The following PTPRT variants were observed in gnomAD, a reference collection of about 807,000 sequenced individuals.
PTPRT encodes the protein receptor-type tyrosine-protein phosphatase T.
Under a neutral mutation model 176.8 loss-of-function variants are expected in PTPRT, and 56 were observed. That is an observed-to-expected ratio of 0.32 (90% CI 0.26 to 0.40). The LOEUF (loss-of-function observed/expected upper bound fraction) is 0.40, where lower values mean the gene tolerates loss of function less well. Ranked by LOEUF, PTPRT falls within the 10% of genes least tolerant of loss-of-function variation. The pLI is 1.00. For synonymous variants in PTPRT, 783 were observed against 739.0 expected (o/e 1.06, Z -0.96); for missense variants, 1,540 against 1,908.2 (o/e 0.81, Z 3.60).
intron 1 of PTPRT, among the ~76,000 whole-genome samples, chr20:42,902,233 G>T (rs1210699648): frequency 6.6e-6 from 1 of 152,124 alleles, no homozygotes; most frequent in Admixed American, 6.5e-5. Flanking sequence ...ACAAAAAAAG[G>T]AAAAGAACTA....
intron 7 of PTPRT, among the ~76,000 whole-genome samples, chr20:42,666,168 A>T (rs540609014): frequency 2.0e-5 from 3 of 152,340 alleles, no homozygotes; most frequent in South Asian, 4.1e-4. Flanking sequence ...ACATCTCATC[A>T]TAAGTTGTTT....
chr20:42,172,505 C>T (rs576944807), intron 16 of PTPRT, among the ~76,000 whole-genome samples: 1 of 152,290 alleles, frequency 6.6e-6, no homozygotes, highest in South Asian at 2.1e-4. Context: ...TAAACACCAG[C>T]CCATCACCTG....
At chr20:42,893,020 G>A (rs1026077614) in intron 1 of PTPRT, among the ~76,000 whole-genome samples, 2 of 152,038 alleles carry the variant, frequency 1.3e-5, no homozygotes, top group African/African-American at 2.4e-5. Context: ...GAGTAAGAGC[G>A]AAGAACTCAG....
intron 1 of PTPRT, among the ~76,000 whole-genome samples, chr20:42,907,541 T>C (rs984681766): frequency 2.6e-5 from 4 of 152,122 alleles, no homozygotes; most frequent in African/African-American, 9.7e-5. Flanking sequence ...CACGAATTTA[T>C]ACACTACACA....
intron 9 of PTPRT, among the ~76,000 whole-genome samples, chr20:42,377,164 C>G (rs10485690): frequency 0.083 from 12,641 of 152,210 alleles, 546 homozygotes; most frequent in Middle Eastern, 0.14. Context: ...CTTGAAGAAC[C>G]TTTGCAGAAA....
intron 7 of PTPRT, among the ~76,000 whole-genome samples, chr20:42,603,218 A>C (rs2073813571): frequency 6.6e-6 from 1 of 152,148 alleles, no homozygotes; most frequent in Admixed American, 6.5e-5. Flanking sequence ...AACAGGAGAT[A>C]CGAGTGATGT....
At chr20:42,815,919 A>T (rs1194579532) in intron 2 of PTPRT, among the ~76,000 whole-genome samples, 2 of 152,232 alleles carry the variant, frequency 1.3e-5, no homozygotes, top group African/African-American at 4.8e-5. Flanking sequence ...TTGGGAAATT[A>T]TATGAGAATG....
intron 1 of PTPRT, among the ~76,000 whole-genome samples, chr20:43,111,969 A>G (rs2012884394): frequency 6.6e-6 from 1 of 152,232 alleles, no homozygotes; most frequent in African/African-American, 2.4e-5. Context: ...ATCACTAGGC[A>G]GGACATTTAA....
chr20:42,534,325 T>C (rs979150129), intron 7 of PTPRT, among the ~76,000 whole-genome samples: 7 of 152,128 alleles, frequency 4.6e-5, no homozygotes, highest in Non-Finnish European at 1.0e-4. Flanking sequence ...GCATCTTGCA[T>C]GACAAAGACA....
chr20:42,960,459 A>G (rs1981924655), intron 1 of PTPRT, among the ~76,000 whole-genome samples: 1 of 151,836 alleles, frequency 6.6e-6, no homozygotes, highest in South Asian at 2.1e-4. Flanking sequence ...TGACCTAAGA[A>G]CCTCCTAAAG....
chr20:42,546,333 G>A (rs945607927), intron 7 of PTPRT, among the ~76,000 whole-genome samples: 5 of 152,134 alleles, frequency 3.3e-5, no homozygotes, highest in Admixed American at 6.6e-5. Flanking sequence ...ACAGCTTGGC[G>A]TATGCATTAT....
chr20:42,911,302 T>C (rs1367793413), intron 1 of PTPRT, among the ~76,000 whole-genome samples: 7 of 152,108 alleles, frequency 4.6e-5, no homozygotes, highest in Admixed American at 6.5e-5. Flanking sequence ...GCCAAACATG[T>C]AGAACCAAGA....
chr20:42,425,870 A>G (rs2059158561), intron 9 of PTPRT, among the ~76,000 whole-genome samples: 3 of 152,178 alleles, frequency 2.0e-5, no homozygotes. Context: ...AATCAGCGTT[A>G]TCAATGTGCA....
chr20:42,363,289 TA>T (rs2058461405), intron 9 of PTPRT, among the ~76,000 whole-genome samples: 4 of 25,032 alleles, frequency 1.6e-4, no homozygotes, highest in East Asian at 9.3e-4. Context: ...TATATATATA[TA>T]TATATATATA....
intron 1 of PTPRT, among the ~76,000 whole-genome samples, chr20:43,015,548 G>A (rs889083230): frequency 6.6e-6 from 1 of 152,232 alleles, no homozygotes; most frequent in Non-Finnish European, 1.5e-5. Flanking sequence ...TGGGAACGGG[G>A]ATGGATATTG....
At chr20:42,682,682 A>G (rs975291993) in intron 6 of PTPRT, among the ~76,000 whole-genome samples, 2 of 152,326 alleles carry the variant, frequency 1.3e-5, no homozygotes, top group East Asian at 3.9e-4. Context: ...CCAGCCAGGC[A>G]TCAAAGCGCT....
intron 5 of PTPRT, 25 bp downstream of exon 5, chr20:42,771,410 G>T: frequency 6.3e-7 from 1 of 1,576,974 alleles, no homozygotes; most frequent in Non-Finnish European, 8.7e-7. Context: ...TAACGAGTCT[G>T]AGCAGAGGCT....
chr20:42,586,011 T>C (rs2073465761), intron 7 of PTPRT, among the ~76,000 whole-genome samples: 1 of 152,218 alleles, frequency 6.6e-6, no homozygotes, highest in Admixed American at 6.5e-5. Flanking sequence ...CTCAGCTCAC[T>C]TGTACTGTCG....
At chr20:42,617,854 T>C (rs2074112148) in intron 7 of PTPRT, among the ~76,000 whole-genome samples, 1 of 138,762 alleles carries the variant, frequency 7.2e-6, no homozygotes, top group Admixed American at 6.9e-5. Flanking sequence ...GTCTTGATAG[T>C]GGTCTATCAA....
Sources: gnomAD v4.1 joint callset for allele counts (sites outside exome capture counted in the v4.1 genomes callset) on GRCh38, gnomAD v4.1.1 for gene constraint, MANE v1.5 for transcripts, NCBI Gene and HGNC (gene_info 2026-07-23, HGNC 2026-07-21) for gene names.